NEDD4: variants seen among roughly 807,000 people sequenced by gnomAD.
The protein encoded by NEDD4 is NEDD4 E3 ubiquitin protein ligase.
Under a neutral mutation model 144.9 loss-of-function variants are expected in NEDD4, and 99 were observed. The ratio of observed to expected loss-of-function variants is 0.68; its 90% confidence interval spans 0.58 to 0.81. The LOEUF (loss-of-function observed/expected upper bound fraction) is 0.81. Among genes scored for constraint, NEDD4 ranks in the 30% least tolerant of loss-of-function variants. The pLI, the probability that NEDD4 is intolerant of heterozygous loss-of-function variation, is 0.00. For synonymous variants in NEDD4, 318 were observed against 350.6 expected (o/e 0.91, Z 1.04); for missense variants, 985 against 1,065.9 (o/e 0.92, Z 1.06).
intron 4 of NEDD4, among the ~76,000 whole-genome samples, chr15:55,942,935 T>C (rs542596644): frequency 4.6e-5 from 7 of 152,282 alleles, no homozygotes; most frequent in East Asian, 3.9e-4. Flanking sequence ...GCTGAGGTGG[T>C]CTCGAAGACA....
chr15:55,972,641 C>T (rs138463988), intron 1 of NEDD4, among the ~76,000 whole-genome samples: 6 of 152,172 alleles, frequency 3.9e-5, no homozygotes, highest in Admixed American at 3.9e-4. Context: ...CCTTACTTAT[C>T]AATAATAACA....
intron 14 of NEDD4, among the ~76,000 whole-genome samples, chr15:55,850,023 T>C (rs1260264205): frequency 6.6e-6 from 1 of 151,892 alleles, no homozygotes; most frequent in East Asian, 1.9e-4. Flanking sequence ...TCGATCTCCA[T>C]CTCCTGACCT....
chr15:55,915,473 T>G (rs1051706806), intron 5 of NEDD4: 2 of 1,613,784 alleles, frequency 1.2e-6, no homozygotes, highest in Non-Finnish European at 1.7e-6. Flanking sequence ...TACTTCTTCG[T>G]AAAATACCAT....
intron 1 of NEDD4, chr15:55,991,972 G>A (rs2037996046): frequency 6.6e-6 from 1 of 152,236 alleles, no homozygotes; most frequent in Admixed American, 6.5e-5. Flanking sequence ...CTGGAAGGCG[G>A]TGAGATGAGA....
chr15:55,884,068 T>C (rs1307868682), intron 5 of NEDD4, among the ~76,000 whole-genome samples: 2 of 151,944 alleles, frequency 1.3e-5, no homozygotes, highest in African/African-American at 4.8e-5. Context: ...TTAGCAGAGA[T>C]TGGGTTTCAC....
intron 1 of NEDD4, among the ~76,000 whole-genome samples, chr15:55,990,321 C>A (rs984614490): frequency 9.2e-5 from 14 of 152,158 alleles, no homozygotes; most frequent in African/African-American, 3.1e-4. Context: ...TTGGGGACTG[C>A]AGTTCTAGAA....
At chr15:55,956,649 C>G (rs1284092969) in intron 2 of NEDD4, among the ~76,000 whole-genome samples, 1 of 152,146 alleles carries the variant, frequency 6.6e-6, no homozygotes, top group African/African-American at 2.4e-5. Context: ...TTTTTACACT[C>G]TCCATTCCAC....
intron 1 of NEDD4, among the ~76,000 whole-genome samples, chr15:55,976,984 G>A (rs1286660517): frequency 6.6e-6 from 1 of 152,164 alleles, no homozygotes; most frequent in Non-Finnish European, 1.5e-5. Context: ...TATAGCACAA[G>A]AGATAGCAAA....
chr15:55,992,232 G>C (rs1490150941), intron 1 of NEDD4, among the ~76,000 whole-genome samples: 1 of 152,206 alleles, frequency 6.6e-6, no homozygotes, highest in Non-Finnish European at 1.5e-5. Flanking sequence ...TTGTTTCTGA[G>C]GGACTATGAG....
chr15:55,945,136 C>T (rs112345489), intron 4 of NEDD4, among the ~76,000 whole-genome samples: 2,831 of 152,046 alleles, frequency 0.019, 79 homozygotes, highest in African/African-American at 0.064. Context: ...TCGCCAGCAA[C>T]AGAACAAAGC....
intron 1 of NEDD4, among the ~76,000 whole-genome samples, chr15:55,983,649 T>C (rs780845740): frequency 3.3e-5 from 5 of 151,598 alleles, no homozygotes; most frequent in African/African-American, 9.7e-5. Context: ...TGTTCTTCTG[T>C]TGCCCAGACT....
At chr15:55,847,056 A>G (rs1274524874) in intron 17 of NEDD4, 22 bp from the exon 18 acceptor site, 6 of 1,538,636 alleles carry the variant, frequency 3.9e-6, no homozygotes, top group Non-Finnish European at 5.4e-6. Context: ...AATTTTGGAA[A>G]AATAAAGAAG....
chr15:55,976,652 C>A (rs545537188), intron 1 of NEDD4, among the ~76,000 whole-genome samples: 29 of 132,294 alleles, frequency 2.2e-4, no homozygotes, highest in African/African-American at 7.8e-4. Context: ...TTTTTTGAGA[C>A]GGAGGCTCGC....
At chr15:55,975,410 C>T (rs1288543059) in intron 1 of NEDD4, among the ~76,000 whole-genome samples, 4 of 152,076 alleles carry the variant, frequency 2.6e-5, no homozygotes, top group Admixed American at 2.6e-4. Flanking sequence ...AAAATCAATA[C>T]ACAAAAAATC....
intron 18 of NEDD4, among the ~76,000 whole-genome samples, chr15:55,845,527 T>G (rs867074087): frequency 1.5e-5 from 2 of 133,988 alleles, no homozygotes; most frequent in Non-Finnish European, 1.6e-5. Flanking sequence ...TTTATCATGG[T>G]TTTTTTTTTG....
At position 55,838,098 on chromosome 15, in the gene NEDD4, A is replaced by G. The variant is rs369974971; in HGVS notation, c.2201+9T>C. On this transcript the variant is annotated intron_variant, in intron 23 of 28. Coordinates refer to ENST00000435532, the MANE Select transcript of NEDD4 (RefSeq NM_006154.4). ...TATCCAATAAAATACATACTAATAA[A>G]ATACTTACTAAATATATTCCTTTTT... 180 of 1,436,184 alleles carry G rather than the reference A, an allele frequency of 1.3e-4. No individual in the cohort carries two copies. Among genetic ancestry groups the G allele is most frequent in the Non-Finnish European group, 1.7e-4 (174 of 1,042,866 alleles). 89.0% of individuals were successfully genotyped at this position (1,436,184 alleles called of 1,614,324 possible). A position where few individuals can be genotyped will look rare whatever the true frequency, so the allele number is the denominator to read the frequency against.
At chr15:55,848,972 T>C (rs1386099050) in intron 14 of NEDD4, 86 bp from the exon 15 acceptor site, 25 of 984,696 alleles carry the variant, frequency 2.5e-5, no homozygotes, top group Admixed American at 5.7e-5. Context: ...CTAACATCAA[T>C]GGATATTTAA....
intron 2 of NEDD4, among the ~76,000 whole-genome samples, chr15:55,957,891 A>G (rs1185270802): frequency 2.0e-5 from 3 of 152,134 alleles, no homozygotes; most frequent in African/African-American, 2.4e-5. Flanking sequence ...CAAACACCGC[A>G]TGTTCTCACT....
At chr15:55,977,540 C>T (rs144101702) in intron 1 of NEDD4, among the ~76,000 whole-genome samples, 35 of 152,166 alleles carry the variant, frequency 2.3e-4, no homozygotes, top group South Asian at 4.1e-4. Flanking sequence ...TAACACAACA[C>T]AAAAAACTCT....
Sources: gnomAD v4.1 joint callset for allele counts (sites outside exome capture counted in the v4.1 genomes callset) on GRCh38, gnomAD v4.1.1 for gene constraint, MANE v1.5 for transcripts, NCBI Gene and HGNC (gene_info 2026-07-23, HGNC 2026-07-21) for gene names.